GRM8: variants seen among roughly 807,000 people sequenced by gnomAD.
GRM8 encodes glutamate metabotropic receptor 8.
GRM8 carries 47 observed loss-of-function variants against 87.2 expected under a neutral mutation model. The ratio of observed to expected loss-of-function variants is 0.54; its 90% CI spans 0.43 to 0.69. The LOEUF (loss-of-function observed/expected upper bound fraction) is 0.69, where lower values mean the gene tolerates loss of function less well. GRM8 is among the 30% of genes least tolerant of loss of function. The pLI is 0.00. For synonymous variants in GRM8, 396 were observed against 404.5 expected, an observed-to-expected ratio of 0.98 and a Z score of 0.25; for missense variants, 1,019 against 1,139.2, an observed-to-expected ratio of 0.89 and a Z score of 1.52.
intron 7 of GRM8, among the ~76,000 whole-genome samples, chr7:126,648,091 G>A (rs1426963348): frequency 2.0e-5 from 3 of 152,002 alleles, no homozygotes; most frequent in Admixed American, 2.0e-4. Context: ...AAAACCGATA[G>A]GCTTTTCTGT....
At chr7:126,657,718 A>G (rs1804683899) in intron 7 of GRM8, among the ~76,000 whole-genome samples, 1 of 152,266 alleles carries the variant, frequency 6.6e-6, no homozygotes, top group Admixed American at 6.5e-5. Flanking sequence ...GCATAAACCT[A>G]ATGACATAGT....
At chr7:126,495,866 C>A (rs887341346) in intron 9 of GRM8, among the ~76,000 whole-genome samples, 1 of 151,920 alleles carries the variant, frequency 6.6e-6, no homozygotes, top group Admixed American at 6.6e-5. Context: ...GGCAAGGTGG[C>A]TAACGAAAAT....
intron 2 of GRM8, among the ~76,000 whole-genome samples, chr7:127,162,624 T>C (rs1793187258): frequency 6.6e-6 from 1 of 152,174 alleles, no homozygotes; most frequent in African/African-American, 2.4e-5. Flanking sequence ...AGGATTTATT[T>C]AACTAGGCTC....
intron 3 of GRM8, among the ~76,000 whole-genome samples, chr7:126,996,577 A>G (rs946624498): frequency 6.6e-6 from 1 of 152,070 alleles, no homozygotes; most frequent in African/African-American, 2.4e-5. Flanking sequence ...ATAAAGATAC[A>G]CATAGACTAA....
chr7:126,866,580 A>ATTTTTT (rs59013947), intron 6 of GRM8, among the ~76,000 whole-genome samples: 1 of 68,032 alleles, frequency 1.5e-5, no homozygotes, highest in Admixed American at 2.4e-4. Context: ...CTTTGACTCA[A>ATTTTTT]TTTTTTTTTT....
intron 2 of GRM8, among the ~76,000 whole-genome samples, chr7:127,134,946 A>G (rs1827869676): frequency 6.6e-6 from 1 of 152,164 alleles, no homozygotes; most frequent in Non-Finnish European, 1.5e-5. Flanking sequence ...TATTAAACAC[A>G]TGAATAACAG....
chr7:127,046,072 G>T (rs1359941049), intron 3 of GRM8, among the ~76,000 whole-genome samples: 6 of 152,006 alleles, frequency 3.9e-5, no homozygotes, highest in Non-Finnish European at 8.8e-5. Flanking sequence ...TCTCAATAAC[G>T]TTTATATTTT....
chr7:126,814,443 T>C (rs57645278), intron 6 of GRM8, among the ~76,000 whole-genome samples: 3,824 of 152,156 alleles, frequency 0.025, 170 homozygotes, highest in African/African-American at 0.088. Context: ...CAATATTCTA[T>C]ACAACTGGAA....
chr7:126,932,274 T>A (rs1805844221), intron 3 of GRM8, among the ~76,000 whole-genome samples: 1 of 152,154 alleles, frequency 6.6e-6, no homozygotes, highest in Admixed American at 6.5e-5. Context: ...AACCAAAGTG[T>A]GTAAAGGCTA....
chr7:126,499,200 A>AT (rs532153147), intron 9 of GRM8, among the ~76,000 whole-genome samples: 324 of 146,502 alleles, frequency 2.2e-3, no homozygotes, highest in African/African-American at 6.0e-3. Context: ...TGCAAACTAC[A>AT]TTTTTTTTTT....
intron 8 of GRM8, among the ~76,000 whole-genome samples, chr7:126,548,869 C>T (rs573535093): frequency 6.6e-6 from 1 of 152,128 alleles, no homozygotes; most frequent in Admixed American, 6.5e-5. Context: ...TTAGTGGGAC[C>T]AATGGACTTT....
At chr7:127,164,079 T>G (rs1050916543) in intron 2 of GRM8, among the ~76,000 whole-genome samples, 2 of 152,262 alleles carry the variant, frequency 1.3e-5, no homozygotes, top group South Asian at 4.1e-4. Context: ...CCCTTGGCAC[T>G]GTCCTCAGGA....
At chr7:126,979,022 A>G (rs1219205769) in intron 3 of GRM8, among the ~76,000 whole-genome samples, 2 of 152,216 alleles carry the variant, frequency 1.3e-5, no homozygotes, top group Non-Finnish European at 2.9e-5. Flanking sequence ...TTCCTTTGTG[A>G]GAAATCCTTA....
intron 3 of GRM8, among the ~76,000 whole-genome samples, chr7:127,052,516 A>C (rs1033681325): frequency 4.6e-5 from 7 of 152,226 alleles, no homozygotes; most frequent in Admixed American, 6.5e-5. Flanking sequence ...ATAAAACCAG[A>C]AAAGTTTGGT....
intron 9 of GRM8, among the ~76,000 whole-genome samples, chr7:126,499,016 C>A (rs186674582): frequency 6.6e-6 from 1 of 151,802 alleles, no homozygotes; most frequent in Non-Finnish European, 1.5e-5. Flanking sequence ...TTTAAAAATT[C>A]CTGGGAGAAC....
At chr7:127,132,273 C>T (rs1364849609) in intron 2 of GRM8, among the ~76,000 whole-genome samples, 1 of 152,232 alleles carries the variant, frequency 6.6e-6, no homozygotes, top group African/African-American at 2.4e-5. Context: ...CACACGCTAA[C>T]AGAAAATGCT....
intron 3 of GRM8, among the ~76,000 whole-genome samples, chr7:126,973,996 G>T (rs1185154115): frequency 6.6e-6 from 1 of 152,118 alleles, no homozygotes. Flanking sequence ...AACTTTCTGA[G>T]CACAGACATG....
intron 8 of GRM8, among the ~76,000 whole-genome samples, chr7:126,534,919 A>G (rs1245911438): frequency 6.6e-6 from 1 of 152,124 alleles, no homozygotes; most frequent in Non-Finnish European, 1.5e-5. Flanking sequence ...CCCTCGATAC[A>G]TATTTGTTGA....
chr7:126,569,961 A>G (rs1794559417), intron 8 of GRM8, among the ~76,000 whole-genome samples: 1 of 152,142 alleles, frequency 6.6e-6, no homozygotes, highest in Non-Finnish European at 1.5e-5. Flanking sequence ...TTATCCCCAT[A>G]AGATGTAATT....
Sources: allele counts gnomAD v4.1 joint callset (sites outside exome capture counted in the v4.1 genomes callset), GRCh38; gene constraint gnomAD v4.1.1; transcripts MANE v1.5; gene names NCBI Gene and HGNC (gene_info 2026-07-23, HGNC 2026-07-21).